The following CNTN4 variants were observed in gnomAD, a reference collection of about 807,000 sequenced individuals.
CNTN4 encodes the protein contactin-4.
In CNTN4, 77 loss-of-function variants were observed where a neutral mutation model predicts 122.5. That is an observed-to-expected ratio of 0.63 (90% confidence interval 0.52 to 0.76). CNTN4 has a LOEUF of 0.76. Among genes scored for constraint, CNTN4 ranks in the 30% least tolerant of loss-of-function variants. CNTN4 has a pLI of 0.00. For synonymous variants in CNTN4, 512 were observed against 447.0 expected, an observed-to-expected ratio of 1.15 and a Z score of -1.83; for missense variants, 1,256 against 1,259.1, an observed-to-expected ratio of 1.00 and a Z score of 0.04.
chr3:2,260,344 A>AT lies in CNTN4; in HGVS notation c.-144-78824dup, dbSNP rs112470485. Among the ~76,000 whole-genome samples, 1,003 of 148,636 alleles carry AT rather than the reference A, an allele frequency of 6.7e-3. 11 individuals carry two copies. Among genetic ancestry groups the AT allele is most frequent in the African/African-American group, 0.022 (900 of 40,720 alleles). ...ATCAAAAATGTTTTCAGGCATTATCATTTTTTTTTTGGCTTCCAGGGGATG... is the reference window on the plus strand; with the variant it reads ...ATCAAAAATGTTTTCAGGCATTATCATTTTTTTTTTTGGCTTCCAGGGGATG... On this transcript the variant is annotated intron_variant, in intron 2 of 24. Transcript: ENST00000418658.
intron 3 of CNTN4, among the ~76,000 whole-genome samples, chr3:2,394,858 C>G (rs1382267734): frequency 1.4e-5 from 2 of 144,898 alleles, no homozygotes; most frequent in African/African-American, 5.1e-5. Context: ...GCAATCTCGA[C>G]TGACTGCAAC....
chr3:2,573,170 C>G (rs371395400), intron 4 of CNTN4, among the ~76,000 whole-genome samples: 2 of 152,190 alleles, frequency 1.3e-5, no homozygotes, highest in Admixed American at 6.5e-5. Context: ...GAGGATTTGG[C>G]AAGTTTATGG....
At chr3:2,834,488 A>G (rs763666032) in intron 7 of CNTN4, among the ~76,000 whole-genome samples, 16 of 151,658 alleles carry the variant, frequency 1.1e-4, no homozygotes, top group Non-Finnish European at 2.2e-4. Flanking sequence ...AATTGCTTGA[A>G]CCCAGCAGGC....
At chr3:2,394,761 T>G (rs144873783) in intron 3 of CNTN4, among the ~76,000 whole-genome samples, 117 of 151,700 alleles carry the variant, frequency 7.7e-4, no homozygotes, top group African/African-American at 2.8e-3. Context: ...ATTGAAAACA[T>G]GTCTACAACA....
chr3:2,919,595 ACT>A (rs2094407301), intron 12 of CNTN4, among the ~76,000 whole-genome samples: 1 of 152,006 alleles, frequency 6.6e-6, no homozygotes, highest in Non-Finnish European at 1.5e-5. Flanking sequence ...TAGTCTAATG[ACT>A]CTCTTCTGTT....
rs544903996 is a variant in CNTN4, at chr3:3,034,617, C to G, written c.1784-15C>G. On this transcript the variant is annotated splice_polypyrimidine_tract_variant and intron_variant, in intron 16 of 24. Coordinates refer to ENST00000418658, the MANE Select transcript of CNTN4 (RefSeq NM_175607.3). ...AATACACTGCTCCAATTCTGGGGGT[C>G]TTGCTCTTTCCCAGGTCCTCCAGGT... 2.5e-6 allele frequency: 4 copies of G among 1,614,024 alleles called. No individual in the cohort carries two copies. The African/African-American group carries it at 5.3e-5, about 22-fold the overall frequency.
chr3:2,164,663 T>C (rs1424154226), intron 2 of CNTN4, among the ~76,000 whole-genome samples: 1 of 152,138 alleles, frequency 6.6e-6, no homozygotes, highest in African/African-American at 2.4e-5. Flanking sequence ...GAAAAGAGAA[T>C]TTGACTATTA....
chr3:2,684,983 C>T (rs1006448314), intron 4 of CNTN4, among the ~76,000 whole-genome samples: 4 of 152,118 alleles, frequency 2.6e-5, no homozygotes, highest in Non-Finnish European at 5.9e-5. Flanking sequence ...ACTTGTGAAA[C>T]GTAAAGATTA....
intron 3 of CNTN4, among the ~76,000 whole-genome samples, chr3:2,475,015 T>G (rs532256462): frequency 6.6e-6 from 1 of 152,340 alleles, no homozygotes; most frequent in African/African-American, 2.4e-5. Flanking sequence ...AAACAGTTTT[T>G]CTTAATGAGA....
chr3:2,347,920 C>T (rs946480683), intron 3 of CNTN4, among the ~76,000 whole-genome samples: 9 of 151,924 alleles, frequency 5.9e-5, no homozygotes, highest in African/African-American at 2.2e-4. Flanking sequence ...AATTCCTTTA[C>T]ATACTCTTAA....
intron 14 of CNTN4, among the ~76,000 whole-genome samples, chr3:2,997,380 C>T (rs1695630532): frequency 6.6e-6 from 1 of 152,158 alleles, no homozygotes; most frequent in South Asian, 2.1e-4. Context: ...ATGGGGGGAG[C>T]CAACAGTTGG....
chr3:3,002,420 C>G (rs1347062999), intron 14 of CNTN4, among the ~76,000 whole-genome samples: 5 of 151,772 alleles, frequency 3.3e-5, no homozygotes, highest in Admixed American at 3.3e-4. Flanking sequence ...TCAGGTTTAG[C>G]TCAAAAAAGA....
intron 13 of CNTN4, among the ~76,000 whole-genome samples, chr3:2,926,038 G>A (rs1306581997): frequency 6.6e-6 from 1 of 152,192 alleles, no homozygotes; most frequent in Admixed American, 6.5e-5. Context: ...GCCTGAAGAT[G>A]AACAGTTAGA....
intron 2 of CNTN4, among the ~76,000 whole-genome samples, chr3:2,142,653 C>A (rs1045551948): frequency 2.0e-5 from 3 of 152,214 alleles, no homozygotes; most frequent in Non-Finnish European, 4.4e-5. Flanking sequence ...GATATGCTTT[C>A]ATTTTTCACT....
In CNTN4 at chr3:2,665,093, TC is replaced by T. The variant is rs944664473; in HGVS notation, c.56-71120del. Among the ~76,000 whole-genome samples the T allele has an allele frequency of 1.6e-4, 24 of 152,290 alleles. 1 individual carries two copies. The highest frequency in any genetic ancestry group is 3.3e-4 in the Admixed American group (5 of 15,292). On this transcript the variant is annotated intron_variant, in intron 4 of 24. Coordinates refer to ENST00000418658, the MANE Select transcript of CNTN4 (RefSeq NM_175607.3). ...TAGGGATATAATTATTTTGTCGTTA[TC>T]CACAGTTCCTCAAGGGACTGATGAT... is the stretch of plus-strand genomic sequence containing the variant.
chr3:2,549,103 A>G (rs1320401954), intron 3 of CNTN4, among the ~76,000 whole-genome samples: 2 of 125,842 alleles, frequency 1.6e-5, no homozygotes, highest in Non-Finnish European at 4.0e-5. Flanking sequence ...CTAAATATAC[A>G]ATCATGTCGG....
Position 2,377,133 on chromosome 3 carries a change from C to T in CNTN4, c.-89+37900C>T, listed in dbSNP as rs535437385. Among the ~76,000 whole-genome samples the T allele has an allele frequency of 1.3e-3, 191 of 141,526 alleles. 1 individual carries two copies. The highest frequency in any genetic ancestry group is 4.4e-3 in the African/African-American group (166 of 37,568). The allele number at this position is 141,526 out of a possible 152,430, so 92.8% of individuals were successfully genotyped here. A position where few individuals can be genotyped will look rare whatever the true frequency, so the allele number is the denominator to read the frequency against. On this transcript the variant is annotated intron_variant, in intron 3 of 24. Transcript: ENST00000418658. ...ATTGCGCCACTGCACTGCAGCCTGGCGATAGAGCGAGATTCCATCTCAAGG... is the reference window on the plus strand; with the variant it reads ...ATTGCGCCACTGCACTGCAGCCTGGTGATAGAGCGAGATTCCATCTCAAGG...
intron 3 of CNTN4, among the ~76,000 whole-genome samples, chr3:2,501,772 T>C (rs2076600784): frequency 6.6e-6 from 1 of 152,138 alleles, no homozygotes; most frequent in African/African-American, 2.4e-5. Flanking sequence ...CCTTTCACTG[T>C]GTAAAGTACA....
At chr3:2,786,170 A>T (rs2091818633) in intron 6 of CNTN4, among the ~76,000 whole-genome samples, 1 of 151,720 alleles carries the variant, frequency 6.6e-6, no homozygotes, top group Non-Finnish European at 1.5e-5. Context: ...AAGCCTCCAC[A>T]TTCACCACCC....
Sources: gnomAD v4.1 joint callset for allele counts (sites outside exome capture counted in the v4.1 genomes callset) on GRCh38, gnomAD v4.1.1 for gene constraint, MANE v1.5 for transcripts, NCBI Gene and HGNC (gene_info 2026-07-23, HGNC 2026-07-21) for gene names.